PI4KA: variants seen among roughly 807,000 people sequenced by gnomAD.
PI4KA encodes the protein PI4-kinase alpha.
Under a neutral mutation model 271.4 loss-of-function variants are expected in PI4KA, and 122 were observed. The observed-to-expected ratio is 0.45, with a 90% CI of 0.39 to 0.52. PI4KA has a LOEUF of 0.52. PI4KA is among the 20% of genes least tolerant of loss of function. The pLI, the probability that PI4KA is intolerant of heterozygous loss-of-function variation, is 0.00. For missense variants in PI4KA, 1,969 were observed against 2,769.1 expected, an observed-to-expected ratio of 0.71 and a Z score of 6.48; for synonymous variants, 1,041 against 1,078.8, an observed-to-expected ratio of 0.96 and a Z score of 0.69.
chr22:20,764,693 G>T (rs1236551701), intron 22 of PI4KA, 124 bp downstream of exon 22: 6 of 1,100,882 alleles, frequency 5.5e-6, no homozygotes, highest in Admixed American at 2.9e-5. Flanking sequence ...TTTTTGCTTG[G>T]TTTTTCAGAA....
At position 20,819,895 on chromosome 22, in the gene PI4KA, G is replaced by T. The variant is rs1267534077; in HGVS notation, c.535C>A (p.Leu179Ile). ...AGGCATGGGATAGCATACTTGCAAA[G>T]GTATTCTAGAAGATCAAGTGAAAAC... ...QALEIQDKEYLCKYAIPCLIG... is the reference protein window; with the variant it reads ...QALEIQDKEYICKYAIPCLIG... The change falls in exon 6 of 55, where the codon CTT becomes ATT. Residue 179 changes from leucine (L) to isoleucine (I), a missense_variant. Physicochemically the swap from Leu to Ile is conservative, Grantham distance 5. Coordinates refer to ENST00000255882, the MANE Select transcript of PI4KA (RefSeq NM_058004.4). 1.2e-6 allele frequency: 2 copies of T among 1,612,990 alleles called. No individual in the cohort carries two copies. The highest frequency in any genetic ancestry group is 1.7e-6 in the Non-Finnish European group (2 of 1,179,154).
chr22:20,803,434 G>T, intron 12 of PI4KA, 114 bp from the exon 13 acceptor site: 1 of 1,282,320 alleles, frequency 7.8e-7, no homozygotes, highest in Non-Finnish European at 1.1e-6. Flanking sequence ...AAACTTCGAA[G>T]GTCAAAGCTC....
At chr22:20,760,636 A>T (rs1931865531) in intron 23 of PI4KA, among the ~76,000 whole-genome samples, 1 of 152,204 alleles carries the variant, frequency 6.6e-6, no homozygotes, top group Admixed American at 6.5e-5. Flanking sequence ...CCATCAATCC[A>T]GAGGGTCTCC....
chr22:20,765,312 A>G (rs1039183181), intron 20 of PI4KA, 76 bp from the exon 21 acceptor site: 43 of 1,422,622 alleles, frequency 3.0e-5, no homozygotes, highest in South Asian at 4.0e-5. Context: ...GACAATTTCT[A>G]TAGTCATGGG....
In PI4KA at chr22:20,733,630, G is replaced by A. The variant is rs911638288; in HGVS notation, c.4160+106C>T. 7.8e-5 allele frequency: 124 copies of A among 1,581,792 alleles called. 1 individual carries two copies. Among genetic ancestry groups the A allele is most frequent in the Non-Finnish European group, 1.0e-4 (117 of 1,163,976 alleles). On this transcript the variant is annotated intron_variant, in intron 35 of 54. Transcript: ENST00000255882. Reference sequence around the variant, plus strand: ...GGAGGAGGTTGGTGAGCACAACTGGGCAACTGTGTATTCCTGTGAGTGACT... The same window carrying A: ...GGAGGAGGTTGGTGAGCACAACTGGACAACTGTGTATTCCTGTGAGTGACT...
At chr22:20,776,277 T>C (rs1039107893) in intron 19 of PI4KA, among the ~76,000 whole-genome samples, 1 of 152,098 alleles carries the variant, frequency 6.6e-6, no homozygotes, top group Non-Finnish European at 1.5e-5. Context: ...TGAACCAATA[T>C]TGTGCCACTG....
At chr22:20,770,703 C>T (rs957300963) in intron 19 of PI4KA, among the ~76,000 whole-genome samples, 2 of 150,984 alleles carry the variant, frequency 1.3e-5, no homozygotes, top group South Asian at 2.1e-4. Context: ...AATCTGGGTA[C>T]GGGTATACAG....
At position 20,818,971 on chromosome 22, in the gene PI4KA, T is replaced by C. The variant is rs116426414; in HGVS notation, c.790-422A>G. ...ACACCACCTGTAGGGTATTTGATGTTTGGTGGCGACAAAGGAATGAGAAGA... is the reference window on the plus strand; with the variant it reads ...ACACCACCTGTAGGGTATTTGATGTCTGGTGGCGACAAAGGAATGAGAAGA... On this transcript the variant is annotated intron_variant, in intron 6 of 54. Transcript: ENST00000255882. 2.2e-3 allele frequency among the ~76,000 whole-genome samples: 331 copies of C among 152,306 alleles called. 1 individual carries two copies. Among genetic ancestry groups the C allele is most frequent in the African/African-American group, 7.9e-3 (329 of 41,564 alleles).
In PI4KA at chr22:20,727,340, A is replaced by C. The variant is rs1927482266; in HGVS notation, c.4831T>G (p.Cys1611Gly). The C allele has an allele frequency of 6.2e-7, 1 of 1,613,054 alleles. No homozygotes were observed. The highest frequency in any genetic ancestry group is 8.5e-7 in the Non-Finnish European group (1 of 1,179,852). Residue 1611 changes from cysteine to glycine, a missense_variant, in exon 41 of 55, where the codon TGC (cysteine) becomes GGC (glycine). By Grantham distance (159) the Cys-to-Gly change is radical. This residue lies in a region of PI4KA where 388 missense variants were observed against 521.5 expected (regional missense o/e 0.74). Coordinates refer to ENST00000255882, the MANE Select transcript of PI4KA (RefSeq NM_058004.4). Reference sequence around the variant, plus strand: ...GTGGGTGGGTCCGTGGGCGCCCAGCACAGCACATGGCTGAGCTCTGGAGCA... The same window carrying C: ...GTGGGTGGGTCCGTGGGCGCCCAGCCCAGCACATGGCTGAGCTCTGGAGCA... Reference protein sequence around the residue: ...ADAPELSHVLCWAPTDPPTGL... With the variant: ...ADAPELSHVLGWAPTDPPTGL...
rs77534188 is a variant in PI4KA at position 20,752,895 on chromosome 22, G to A, written c.2987+8C>T. The A allele has an allele frequency of 0.036, 57,547 of 1,612,974 alleles. 1,191 individuals carry two copies. The highest frequency in any genetic ancestry group is 0.061 in the Middle Eastern group (372 of 6,056). ...ACACACAAAACATTAGCAGGAAAAT[G>A]AGCTTACTTATCCACCAGACCAGAT... On this transcript the variant is annotated splice_region_variant and intron_variant, in intron 25 of 54. Transcript: ENST00000255882.
intron 19 of PI4KA, among the ~76,000 whole-genome samples, chr22:20,788,106 A>G (rs189789461): frequency 6.6e-6 from 1 of 152,344 alleles, no homozygotes; most frequent in African/African-American, 2.4e-5. Context: ...TCAGCACGCA[A>G]GAGTGCCAGT....
At position 20,804,419 on chromosome 22, in the gene PI4KA, G is replaced by C. The variant is rs753060737; in HGVS notation, c.1361-19C>G. 9.8e-6 allele frequency: 15 copies of C among 1,536,408 alleles called. No homozygotes were observed. Among genetic ancestry groups the C allele is most frequent in the Admixed American group, 1.7e-5 (1 of 59,926 alleles). On this transcript the variant is annotated intron_variant, in intron 11 of 54. Coordinates refer to ENST00000255882, the MANE Select transcript of PI4KA (RefSeq NM_058004.4). ...TCTGCACCTTAATTCAAAACCAGAA[G>C]AGGAGATGAGTGATCAGCACAGGCC...
intron 28 of PI4KA, among the ~76,000 whole-genome samples, chr22:20,749,688 G>C (rs957388764): frequency 2.6e-5 from 4 of 152,262 alleles, no homozygotes; most frequent in Admixed American, 6.5e-5. Context: ...TGAGCCGTCA[G>C]ATGCCCTCCT....
At chr22:20,765,266 T>A (rs748966544) in intron 20 of PI4KA, 30 bp from the exon 21 acceptor site, 2 of 1,575,300 alleles carry the variant, frequency 1.3e-6, no homozygotes, top group East Asian at 4.5e-5. Flanking sequence ...AATGAGGAAA[T>A]CACCTTGGTC....
intron 32 of PI4KA, among the ~76,000 whole-genome samples, chr22:20,740,987 A>C (rs892333901): frequency 6.6e-6 from 1 of 152,220 alleles, no homozygotes; most frequent in African/African-American, 2.4e-5. Flanking sequence ...GAAGACTGTA[A>C]AAGTGTGAGT....
chr22:20,793,400 C>A (rs759679910), intron 18 of PI4KA, 157 bp from the exon 19 acceptor site: 245 of 509,792 alleles, frequency 4.8e-4, no homozygotes, highest in Non-Finnish European at 7.4e-4. Flanking sequence ...GATGCTCATC[C>A]AGCATAATTT....
chr22:20,807,302 G>T, intron 10 of PI4KA, 60 bp downstream of exon 10: 1 of 1,051,216 alleles, frequency 9.5e-7, no homozygotes, highest in South Asian at 1.3e-5. Flanking sequence ...ACTAGCATGC[G>T]ACAGTGGCCT....
At position 20,709,365 on chromosome 22, in the gene PI4KA, G is replaced by A; in HGVS notation, c.6188C>T (p.Pro2063Leu). 7.4e-7 allele frequency: 1 copy of A among 1,349,944 alleles called. No homozygotes were observed. Among genetic ancestry groups the A allele is most frequent in the Non-Finnish European group, 1.0e-6 (1 of 974,832 alleles). 83.6% of individuals were successfully genotyped at this position (1,349,944 alleles called of 1,614,324 possible). ...TIKLLKHRFSPNMTEREAANF... is the reference protein window; with the variant it reads ...TIKLLKHRFSLNMTEREAANF... The stretch of plus-strand genomic sequence containing the variant: ...TGCAGCCTCGCGCTCAGTCATGTTG[G>A]GGCTAAACCTGTGCCTGGGGGAGAG... Residue 2063 changes from proline to leucine, a missense_variant, in exon 54 of 55, where the codon CCC becomes CTC. By Grantham distance (98) the Pro-to-Leu change is moderately conservative (BLOSUM62 -3). This residue lies in a region of PI4KA where 110 missense variants were observed against 349.8 expected (regional missense o/e 0.31). Coordinates refer to ENST00000255882, the MANE Select transcript of PI4KA (RefSeq NM_058004.4).
intron 19 of PI4KA, among the ~76,000 whole-genome samples, chr22:20,775,923 TAC>T (rs138961143): frequency 0.03 from 4,513 of 152,284 alleles, 86 homozygotes; most frequent in Middle Eastern, 0.061. Flanking sequence ...TTGCTATTGA[TAC>T]ACAGTCTCCT....
Sources: allele counts gnomAD v4.1 joint callset (sites outside exome capture counted in the v4.1 genomes callset), GRCh38; gene constraint gnomAD v4.1.1; regional missense constraint gnomAD v4.1.1; transcripts MANE v1.5; gene names NCBI Gene and HGNC (gene_info 2026-07-23, HGNC 2026-07-21).